Variants in PLA2G2C observed in about 807,000 individuals in gnomAD.
The protein encoded by PLA2G2C is putative inactive group IIC secretory phospholipase A2.
In PLA2G2C, 15 loss-of-function variants were observed where a neutral mutation model predicts 14.3. That is an observed-to-expected ratio of 1.05 (90% CI 0.70 to 1.62). The LOEUF is 1.62. PLA2G2C is among the 40% of genes most tolerant of loss of function. The pLI is 0.00. For synonymous variants in PLA2G2C, 79 were observed against 67.7 expected (o/e 1.17, Z -0.82); for missense variants, 162 against 173.2 (o/e 0.94, Z 0.36).
chr1:20,175,392 G>A (rs544393646), intron 2 of PLA2G2C, among the ~76,000 whole-genome samples: 163 of 152,278 alleles, frequency 1.1e-3, no homozygotes, highest in Non-Finnish European at 1.9e-3. Flanking sequence ...ATGAGGTTCA[G>A]AACAAGGCTT....
intron 1 of PLA2G2C, chr1:20,184,639 G>C (rs993354514): frequency 2.6e-5 from 4 of 152,336 alleles, no homozygotes; most frequent in African/African-American, 9.6e-5. Context: ...GAGAGAATCA[G>C]AAGACATTAG....
chr1:20,178,187 T>G (rs2018217454), intron 1 of PLA2G2C, among the ~76,000 whole-genome samples: 1 of 152,304 alleles, frequency 6.6e-6, no homozygotes, highest in Non-Finnish European at 1.5e-5. Flanking sequence ...ATGATACCCA[T>G]ATTAGAACAG....
chr1:20,177,092 G>T (rs1257613035), intron 2 of PLA2G2C, among the ~76,000 whole-genome samples: 1 of 152,152 alleles, frequency 6.6e-6, no homozygotes, highest in Non-Finnish European at 1.5e-5. Context: ...CTAGCAAATG[G>T]TTGGCAACCT....
intron 4 of PLA2G2C, among the ~76,000 whole-genome samples, chr1:20,165,594 T>G (rs1329988319): frequency 6.6e-6 from 1 of 152,152 alleles, no homozygotes; most frequent in African/African-American, 2.4e-5. Flanking sequence ...GTGTCTGCAC[T>G]TTGGCCGAGT....
chr1:20,171,672 T>C (rs1469376450), intron 4 of PLA2G2C, among the ~76,000 whole-genome samples: 3 of 151,184 alleles, frequency 2.0e-5, no homozygotes, highest in Non-Finnish European at 4.4e-5. Flanking sequence ...CAGCTCTGAA[T>C]AAATACACCT....
Position 20,179,433 on chromosome 1 carries a change from CTGTG to C in PLA2G2C, c.-76-1998_-76-1995del, listed in dbSNP as rs527941552. 4.2e-4 allele frequency among the ~76,000 whole-genome samples: 63 copies of C among 150,606 alleles called. 1 individual carries two copies. The highest frequency in any genetic ancestry group is 3.7e-3 in the Middle Eastern group (1 of 272). ...AGCTTCTCTCTCTAGGTCAGCTTCT[CTGTG>C]TGTGTGTCAGCTTCTCCGTGTCAGC... On this transcript the variant is annotated intron_variant, in intron 1 of 4. Transcript: ENST00000679259.
At chr1:20,179,236 G>GTA in intron 1 of PLA2G2C, among the ~76,000 whole-genome samples, 1 of 151,898 alleles carries the variant, frequency 6.6e-6, no homozygotes, top group East Asian at 1.9e-4. Context: ...GTGTGTGTGT[G>GTA]TTAGCTTGTT....
At chr1:20,169,393 T>C (rs533076154) in intron 4 of PLA2G2C, among the ~76,000 whole-genome samples, 1 of 152,180 alleles carries the variant, frequency 6.6e-6, no homozygotes, top group Non-Finnish European at 1.5e-5. Flanking sequence ...TTGCCCAGGC[T>C]GGTCTCGAAC....
chr1:20,172,973 T>A, intron 3 of PLA2G2C, 76 bp from the exon 4 acceptor site: 1 of 1,073,880 alleles, frequency 9.3e-7, no homozygotes, highest in Non-Finnish European at 1.4e-6. Context: ...CCTCCTCCTC[T>A]AGGCAAGAAG....
intron 1 of PLA2G2C, among the ~76,000 whole-genome samples, chr1:20,180,882 C>T (rs1002958843): frequency 6.6e-6 from 1 of 152,208 alleles, no homozygotes; most frequent in Admixed American, 6.5e-5. Context: ...TTCCTGGACC[C>T]ATCAATTCAG....
intron 4 of PLA2G2C, among the ~76,000 whole-genome samples, chr1:20,169,588 G>A (rs2018036023): frequency 6.6e-6 from 1 of 152,214 alleles, no homozygotes; most frequent in Non-Finnish European, 1.5e-5. Flanking sequence ...AGTGCCGTAA[G>A]CAAAGAGGAA....
At chr1:20,172,450 T>C (rs781444425) in intron 4 of PLA2G2C, among the ~76,000 whole-genome samples, 10 of 152,148 alleles carry the variant, frequency 6.6e-5, no homozygotes, top group Non-Finnish European at 1.2e-4. Context: ...GCCGTTTTGT[T>C]AACAAAATCA....
chr1:20,185,651 G>C (rs72663014), intron 1 of PLA2G2C, among the ~76,000 whole-genome samples: 1,631 of 152,294 alleles, frequency 0.011, 23 homozygotes, highest in Middle Eastern at 0.02. Flanking sequence ...CCTGCTCCCC[G>C]CAACTCAGAT....
At chr1:20,186,217 G>C (rs2018389479) in intron 1 of PLA2G2C, 143 bp downstream of exon 1, 1 of 152,384 alleles carries the variant, frequency 6.6e-6, no homozygotes, top group African/African-American at 2.4e-5. Flanking sequence ...AAGGGGCCGG[G>C]GGAGGCCAGT....
intron 1 of PLA2G2C, among the ~76,000 whole-genome samples, chr1:20,180,881 C>A (rs1168577475): frequency 6.6e-6 from 1 of 152,194 alleles, no homozygotes; most frequent in Non-Finnish European, 1.5e-5. Context: ...TTTCCTGGAC[C>A]CATCAATTCA....
intron 4 of PLA2G2C, among the ~76,000 whole-genome samples, chr1:20,166,626 T>C (rs1385320755): frequency 6.6e-6 from 1 of 152,232 alleles, no homozygotes; most frequent in Non-Finnish European, 1.5e-5. Flanking sequence ...TCCCTCTCTC[T>C]TTCTGTTGGT....
chr1:20,179,392 T>A (rs1001552106), intron 1 of PLA2G2C, among the ~76,000 whole-genome samples: 1 of 152,052 alleles, frequency 6.6e-6, no homozygotes, highest in Non-Finnish European at 1.5e-5. Flanking sequence ...CTGTGTCAAC[T>A]TCTCCCTTGT....
chr1:20,168,321 T>C (rs1203039488), intron 4 of PLA2G2C, among the ~76,000 whole-genome samples: 2 of 152,254 alleles, frequency 1.3e-5, no homozygotes, highest in Non-Finnish European at 2.9e-5. Context: ...AACATGTGTC[T>C]GGTCTTTGGC....
In PLA2G2C at chr1:20,168,455, C is replaced by T. The variant is rs531177597; in HGVS notation, c.284-4298G>A. On this transcript the variant is annotated intron_variant, in intron 4 of 4. Transcript: ENST00000679259. ...AAGACAGGCTTGCTCCTTGCTCTCACGGACCTTTCTAGTCGGTGGGGGAGA... is the reference window on the plus strand; with the variant it reads ...AAGACAGGCTTGCTCCTTGCTCTCATGGACCTTTCTAGTCGGTGGGGGAGA... Among the ~76,000 whole-genome samples the T allele has an allele frequency of 7.2e-5, 11 of 152,300 alleles. No individual in the cohort carries two copies. In the East Asian group the frequency reaches 1.7e-3, roughly 24 times the overall value.
Sources: gnomAD v4.1 joint callset for allele counts (sites outside exome capture counted in the v4.1 genomes callset) on GRCh38, gnomAD v4.1.1 for gene constraint, MANE v1.5 for transcripts, NCBI Gene and HGNC (gene_info 2026-07-23, HGNC 2026-07-21) for gene names.